The following AMBRA1 variants were observed in gnomAD, a reference collection of about 807,000 sequenced individuals.
The protein encoded by AMBRA1 is activating molecule in BECN1-regulated autophagy protein 1.
AMBRA1 carries 47 observed loss-of-function variants against 125.4 expected under a neutral mutation model. That is an observed-to-expected ratio of 0.37 (90% CI 0.30 to 0.48). The LOEUF is 0.48. Among genes scored for constraint, AMBRA1 ranks in the 20% least tolerant of loss-of-function variants. AMBRA1 has a pLI of 0.99. For missense variants in AMBRA1, 1,331 were observed against 1,693.4 expected (o/e 0.79, Z 3.76); for synonymous variants, 626 against 655.5 (o/e 0.95, Z 0.69).
At chr11:46,441,970 C>CTTTTTT (rs764444865) in intron 12 of AMBRA1, among the ~76,000 whole-genome samples, 2 of 116,626 alleles carry the variant, frequency 1.7e-5, no homozygotes, top group African/African-American at 3.4e-5. Context: ...AAAAAAAAAA[C>CTTTTTT]TTTTTTTTTT....
chr11:46,573,663 C>CTTTTTT (rs142367481), intron 1 of AMBRA1, among the ~76,000 whole-genome samples: 3 of 138,670 alleles, frequency 2.2e-5, no homozygotes, highest in African/African-American at 5.3e-5. Context: ...AATCCTTTTT[C>CTTTTTT]TTTTTTTTTT....
intron 7 of AMBRA1, among the ~76,000 whole-genome samples, chr11:46,526,335 T>C (rs563642167): frequency 1.3e-5 from 2 of 152,108 alleles, no homozygotes; most frequent in African/African-American, 4.8e-5. Flanking sequence ...TGTGGTCCCC[T>C]CCCACACTGA....
At chr11:46,582,355 A>G (rs1361848971) in intron 1 of AMBRA1, among the ~76,000 whole-genome samples, 2 of 151,678 alleles carry the variant, frequency 1.3e-5, no homozygotes, top group East Asian at 3.9e-4. Flanking sequence ...TATTTCTCAA[A>G]CCTCCAGTTT....
intron 11 of AMBRA1, among the ~76,000 whole-genome samples, chr11:46,469,671 C>T (rs1949491401): frequency 6.6e-6 from 1 of 151,792 alleles, no homozygotes; most frequent in African/African-American, 2.4e-5. Context: ...CTTTCTTTTT[C>T]TCTTTTTTTA....
At chr11:46,449,728 G>T (rs1948479269) in intron 11 of AMBRA1, among the ~76,000 whole-genome samples, 1 of 152,080 alleles carries the variant, frequency 6.6e-6, no homozygotes, top group African/African-American at 2.4e-5. Context: ...AATATGGAAG[G>T]AAAACACAAA....
intron 1 of AMBRA1, among the ~76,000 whole-genome samples, chr11:46,585,687 AAAAAAAAAATAT>A (rs1200414999): frequency 6.4e-5 from 2 of 31,214 alleles, no homozygotes; most frequent in Non-Finnish European, 1.4e-4. Context: ...AAAAAAAAAA[AAAAAAAAAATAT>A]ATATATATAT....
intron 7 of AMBRA1, among the ~76,000 whole-genome samples, chr11:46,526,408 C>T (rs1453003917): frequency 6.6e-6 from 1 of 151,732 alleles, no homozygotes; most frequent in Non-Finnish European, 1.5e-5. Flanking sequence ...CAATTCTGGG[C>T]CTACCGTTTT....
Position 46,494,150 on chromosome 11 carries a change from T to C in AMBRA1, c.2394A>G (p.Ala798=), listed in dbSNP as rs754723478. The change falls in exon 10 of 18, where the codon GCA becomes GCG. Residue 798 remains alanine, a synonymous_variant. Coordinates refer to ENST00000683756, the MANE Select transcript of AMBRA1 (RefSeq NM_001387011.1). ...TTGGGACAAAGCGTCCAAGCGAAGG[T>C]GCAGACATCCGGGCATTGCGTGGAG... ...HRAPRNARMS[A]PSLGRFVPRR... The C allele has an allele frequency of 4.4e-6, 7 of 1,608,858 alleles. No homozygotes were observed. The highest frequency in any genetic ancestry group is 5.9e-6 in the Non-Finnish European group (7 of 1,177,574).
rs1045250997 is a variant in AMBRA1 at position 46,417,811 on chromosome 11, T to A, written c.3116+102A>T. ...CGCTGAGAATGAGGCAGGCTCTAGA[T>A]GGATTGACATTTCCCTTCTAAAAGA... On this transcript the variant is annotated intron_variant, in intron 15 of 17. Coordinates refer to ENST00000683756, the MANE Select transcript of AMBRA1 (RefSeq NM_001387011.1). 230 of 1,380,990 alleles carry A rather than the reference T, an allele frequency of 1.7e-4. 1 individual carries two copies. The highest frequency in any genetic ancestry group is 1.7e-4 in the Non-Finnish European group (175 of 1,030,160). 85.5% of individuals were successfully genotyped at this position (1,380,990 alleles called of 1,614,324 possible). A position where few individuals can be genotyped will look rare whatever the true frequency, so the allele number is the denominator to read the frequency against.
At chr11:46,443,181 C>T (rs978586836) in intron 12 of AMBRA1, among the ~76,000 whole-genome samples, 1 of 152,140 alleles carries the variant, frequency 6.6e-6, no homozygotes, top group Admixed American at 6.5e-5. Flanking sequence ...TTAGGTGGAA[C>T]TGAAAAGAAG....
At chr11:46,418,465 T>C (rs1375399550) in intron 14 of AMBRA1, among the ~76,000 whole-genome samples, 1 of 151,066 alleles carries the variant, frequency 6.6e-6, no homozygotes, top group Non-Finnish European at 1.5e-5. Flanking sequence ...GTTTGTTACA[T>C]ATGTATACAC....
intron 12 of AMBRA1, among the ~76,000 whole-genome samples, chr11:46,438,643 T>A (rs370198312): frequency 4.6e-5 from 7 of 152,130 alleles, no homozygotes; most frequent in Non-Finnish European, 7.4e-5. Context: ...AGATGACCCA[T>A]AAACACTCCC....
intron 12 of AMBRA1, among the ~76,000 whole-genome samples, chr11:46,442,553 C>T (rs1042914369): frequency 6.6e-6 from 1 of 152,054 alleles, no homozygotes; most frequent in African/African-American, 2.4e-5. Flanking sequence ...CAGAAATGTG[C>T]AAGAGAGAGC....
chr11:46,451,656 GA>G (rs997570057), intron 11 of AMBRA1: 9 of 153,800 alleles, frequency 5.9e-5, no homozygotes, highest in Non-Finnish European at 1.3e-4. Flanking sequence ...TTTCAGTCCT[GA>G]AAAATCTGTT....
At chr11:46,411,099 CAAAAAAAAAAAAAAAGA>C (rs1182369576) in intron 15 of AMBRA1, among the ~76,000 whole-genome samples, 1 of 60,194 alleles carries the variant, frequency 1.7e-5, no homozygotes, top group South Asian at 5.6e-4. Context: ...GACTCTGTCT[CAAAAAAAAAAAAAAAGA>C]AAAAAAAAAA....
intron 1 of AMBRA1, among the ~76,000 whole-genome samples, chr11:46,586,361 A>G (rs1056040385): frequency 6.6e-6 from 1 of 152,316 alleles, no homozygotes; most frequent in East Asian, 1.9e-4. Context: ...ATGAGCCAAG[A>G]TTGTGCCACC....
chr11:46,507,944 A>T (rs1375824258), intron 9 of AMBRA1, among the ~76,000 whole-genome samples: 1 of 152,198 alleles, frequency 6.6e-6, no homozygotes, highest in Non-Finnish European at 1.5e-5. Flanking sequence ...ATCCTCTCGC[A>T]ATCTGGCCTG....
intron 9 of AMBRA1, among the ~76,000 whole-genome samples, chr11:46,506,642 G>A (rs1011012496): frequency 2.0e-5 from 3 of 152,198 alleles, no homozygotes; most frequent in African/African-American, 4.8e-5. Flanking sequence ...CTGACAGGCT[G>A]TCCTCTTTCA....
intron 9 of AMBRA1, among the ~76,000 whole-genome samples, chr11:46,506,757 A>C (rs182763381): frequency 6.6e-6 from 1 of 152,332 alleles, no homozygotes; most frequent in African/African-American, 2.4e-5. Context: ...AAATGAGCCA[A>C]ATGTTCAATT....
Sources: gnomAD v4.1 joint callset for allele counts (sites outside exome capture counted in the v4.1 genomes callset) on GRCh38, gnomAD v4.1.1 for gene constraint, MANE v1.5 for transcripts, NCBI Gene and HGNC (gene_info 2026-07-23, HGNC 2026-07-21) for gene names.